SLCO1B1: variants seen among roughly 807,000 people sequenced by gnomAD.
SLCO1B1 encodes the protein OATP-2.
In SLCO1B1, 81 loss-of-function variants were observed where a neutral mutation model predicts 70.1. The ratio of observed to expected loss-of-function variants is 1.16; its 90% confidence interval spans 0.97 to 1.39. The LOEUF (loss-of-function observed/expected upper bound fraction) is 1.39. Ranked by LOEUF, SLCO1B1 falls within the 40% of genes most tolerant of loss-of-function variation. The pLI is 0.00. For synonymous variants in SLCO1B1, 283 were observed against 271.5 expected (o/e 1.04, Z -0.42); for missense variants, 895 against 799.6 (o/e 1.12, Z -1.44).
At chr12:21,225,129 T>C (rs1186990459) in intron 14 of SLCO1B1, among the ~76,000 whole-genome samples, 1 of 152,134 alleles carries the variant, frequency 6.6e-6, no homozygotes. Flanking sequence ...GATTTGTATG[T>C]GAATCTTTTT....
At chr12:21,211,728 A>T (rs1437813819) in intron 11 of SLCO1B1, among the ~76,000 whole-genome samples, 1 of 152,122 alleles carries the variant, frequency 6.6e-6, no homozygotes, top group Non-Finnish European at 1.5e-5. Context: ...GATTATTGCC[A>T]CAATTTCAGA....
intron 1 of SLCO1B1, among the ~76,000 whole-genome samples, chr12:21,132,968 C>A (rs1324587932): frequency 6.6e-6 from 1 of 151,828 alleles, no homozygotes; most frequent in Non-Finnish European, 1.5e-5. Context: ...GGTTTTAGGT[C>A]TAACATTTAA....
At chr12:21,160,457 A>G (rs1372803579) in intron 2 of SLCO1B1, among the ~76,000 whole-genome samples, 1 of 151,912 alleles carries the variant, frequency 6.6e-6, no homozygotes, top group Non-Finnish European at 1.5e-5. Flanking sequence ...CCTTCCTTAC[A>G]CCATACATAA....
rs747910521 is a variant in SLCO1B1, at chr12:21,197,094, T to G, written c.876T>G (p.Ala292=). 1 of 1,613,720 alleles carries G rather than the reference T, an allele frequency of 6.2e-7. No homozygotes were observed. Among genetic ancestry groups the G allele is most frequent in the Non-Finnish European group, 8.5e-7 (1 of 1,179,724 alleles). ...ATAAACCACAAAAAGAAAGAAAAGC[T>G]TCACTGTCTTTGCATGTGCTGGAAA... ...TPNKPQKERK[A]SLSLHVLETN... The change falls in exon 8 of 15, where the codon GCT becomes GCG. Residue 292 remains alanine, a synonymous_variant. Coordinates refer to ENST00000256958, the MANE Select transcript of SLCO1B1 (RefSeq NM_006446.5).
intron 2 of SLCO1B1, among the ~76,000 whole-genome samples, chr12:21,159,359 C>T (rs1172520286): frequency 2.0e-5 from 3 of 151,872 alleles, no homozygotes; most frequent in South Asian, 2.1e-4. Flanking sequence ...AATCATGACA[C>T]GTAGAAAAAT....
Position 21,200,486 on chromosome 12 carries a change from CTTTATTTT to C in SLCO1B1, c.971-20_971-13del. On this transcript the variant is annotated splice_polypyrimidine_tract_variant and intron_variant, in intron 8 of 14. Coordinates refer to ENST00000256958, the MANE Select transcript of SLCO1B1 (RefSeq NM_006446.5). ...TATTTAAGTTGCATTCAAATATTTT[CTTTATTTT>C]TACAATTTTACAGGTTTTTTCCAGT... The C allele has an allele frequency of 6.7e-7, 1 of 1,492,672 alleles. No homozygotes were observed. Among genetic ancestry groups the C allele is most frequent in the Non-Finnish European group, 9.1e-7 (1 of 1,101,518 alleles). The allele number at this position is 1,492,672 out of a possible 1,614,324, so 92.5% of individuals were successfully genotyped here.
intron 2 of SLCO1B1, among the ~76,000 whole-genome samples, chr12:21,146,352 C>T (rs1369948237): frequency 2.6e-5 from 4 of 151,978 alleles, no homozygotes; most frequent in African/African-American, 9.7e-5. Flanking sequence ...CTTAGGTAAC[C>T]TGGCTGGGTC....
intron 11 of SLCO1B1, among the ~76,000 whole-genome samples, chr12:21,209,381 C>A (rs1941252949): frequency 3.3e-5 from 5 of 152,140 alleles, no homozygotes; most frequent in Admixed American, 2.0e-4. Flanking sequence ...CTACAAAGGA[C>A]ATGAACTCAT....
At chr12:21,135,324 G>T (rs1940202271) in intron 1 of SLCO1B1, among the ~76,000 whole-genome samples, 1 of 152,178 alleles carries the variant, frequency 6.6e-6, no homozygotes, top group African/African-American at 2.4e-5. Flanking sequence ...ATTTGGGGTG[G>T]AGAGTTCTGT....
At chr12:21,227,056 T>G (rs1344013197) in intron 14 of SLCO1B1, among the ~76,000 whole-genome samples, 1 of 152,090 alleles carries the variant, frequency 6.6e-6, no homozygotes, top group Non-Finnish European at 1.5e-5. Flanking sequence ...GTACAGAACT[T>G]TGAGCCAGCA....
At chr12:21,135,002 T>A (rs74516282) in intron 1 of SLCO1B1, among the ~76,000 whole-genome samples, 19,822 of 152,248 alleles carry the variant, frequency 0.13, 1,786 homozygotes, top group Middle Eastern at 0.23. Context: ...CACACTGCTT[T>A]AAATGTGTCC....
intron 12 of SLCO1B1, among the ~76,000 whole-genome samples, chr12:21,217,918 C>A (rs1286540450): frequency 6.6e-6 from 1 of 151,974 alleles, no homozygotes; most frequent in East Asian, 1.9e-4. Context: ...ACAGGAAAGA[C>A]TGGTGTGAGA....
chr12:21,200,646 C>A lies in SLCO1B1; in HGVS notation c.1109C>A (p.Pro370His). The change falls in exon 9 of 15, where the codon CCT becomes CAT. Residue 370 changes from proline (P) to histidine (H), a missense_variant. Physicochemically the swap from Pro to His is moderately conservative, Grantham distance 77. Transcript: ENST00000256958. Reference protein sequence around the residue: ...FKYVEQQYGQPSSKANILLGV... With the variant: ...FKYVEQQYGQHSSKANILLGV... ...TACGTAGAGCAACAGTATGGTCAGCCTTCATCTAAGGCTAACATCTTATTG... is the reference window on the plus strand; with the variant it reads ...TACGTAGAGCAACAGTATGGTCAGCATTCATCTAAGGCTAACATCTTATTG... 1.2e-6 allele frequency: 2 copies of A among 1,612,308 alleles called. No homozygotes were observed. Among genetic ancestry groups the A allele is most frequent in the Non-Finnish European group, 1.7e-6 (2 of 1,179,034 alleles).
intron 10 of SLCO1B1, among the ~76,000 whole-genome samples, chr12:21,203,334 A>AT (rs1408458571): frequency 6.6e-6 from 1 of 152,076 alleles, no homozygotes; most frequent in Non-Finnish European, 1.5e-5. Context: ...ATTACCATGT[A>AT]TAGCAAAGTA....
chr12:21,161,000 A>G (rs539450523), intron 2 of SLCO1B1, among the ~76,000 whole-genome samples: 2 of 152,288 alleles, frequency 1.3e-5, no homozygotes, highest in Admixed American at 6.5e-5. Flanking sequence ...ATTAAAAAAT[A>G]AAAAACTAAC....
chr12:21,132,903 T>C (rs1372529268), intron 1 of SLCO1B1, among the ~76,000 whole-genome samples: 1 of 152,130 alleles, frequency 6.6e-6, no homozygotes, highest in Non-Finnish European at 1.5e-5. Flanking sequence ...ATGAAGTCCT[T>C]GCCCATGCCT....
In SLCO1B1 at chr12:21,151,007, A is replaced by G. The variant is rs146577969; in HGVS notation, c.84+9349A>G. Among the ~76,000 whole-genome samples, 5 of 152,318 alleles carry G rather than the reference A, an allele frequency of 3.3e-5. No homozygotes were observed. The East Asian group carries it at 5.8e-4, about 18-fold the overall frequency. The stretch of plus-strand genomic sequence containing the variant: ...TGCATTATGAGAAATGCATTGTTAG[A>G]TAATTTTGTCATTGTGCAAACATCT... On this transcript the variant is annotated intron_variant, in intron 2 of 14. Coordinates refer to ENST00000256958, the MANE Select transcript of SLCO1B1 (RefSeq NM_006446.5).
chr12:21,174,542 T>A, intron 3 of SLCO1B1, 35 bp from the exon 4 acceptor site: 1 of 1,608,592 alleles, frequency 6.2e-7, no homozygotes, highest in East Asian at 2.2e-5. Flanking sequence ...AAAATTGAAC[T>A]AAGCTGTATC....
At chr12:21,174,110 C>G (rs1430409867) in intron 3 of SLCO1B1, among the ~76,000 whole-genome samples, 1 of 151,980 alleles carries the variant, frequency 6.6e-6, no homozygotes, top group African/African-American at 2.4e-5. Context: ...GCACCTCTGT[C>G]CATCTATTTT....
Sources: gnomAD v4.1 joint callset for allele counts (sites outside exome capture counted in the v4.1 genomes callset) on GRCh38, gnomAD v4.1.1 for gene constraint, MANE v1.5 for transcripts, NCBI Gene and HGNC (gene_info 2026-07-23, HGNC 2026-07-21) for gene names.